LYPD6: variants seen among roughly 807,000 people sequenced by gnomAD.
LYPD6 encodes the protein ly6/PLAUR domain-containing protein 6.
In LYPD6, 15 loss-of-function variants were observed where a neutral mutation model predicts 22.7. The ratio of observed to expected loss-of-function variants is 0.66; its 90% confidence interval spans 0.44 to 1.02. The LOEUF (loss-of-function observed/expected upper bound fraction) is 1.02, where lower values mean the gene tolerates loss of function less well. Ranked by LOEUF, LYPD6 falls within the 50% of genes least tolerant of loss-of-function variation. LYPD6 has a pLI of 0.00. For synonymous variants in LYPD6, 72 were observed against 77.5 expected (o/e 0.93, Z 0.37); for missense variants, 189 against 208.4 (o/e 0.91, Z 0.57).
At chr2:149,366,319 T>C (rs1681663703) in intron 1 of LYPD6, among the ~76,000 whole-genome samples, 1 of 152,200 alleles carries the variant, frequency 6.6e-6, no homozygotes, top group African/African-American at 2.4e-5. Context: ...GATAAATAAA[T>C]GCCGGCGTGT....
chr2:149,349,234 G>A (rs1681315987), intron 1 of LYPD6, among the ~76,000 whole-genome samples: 1 of 152,120 alleles, frequency 6.6e-6, no homozygotes. Context: ...GCCATAAAAG[G>A]GGAGCAAATC....
intron 3 of LYPD6, 105 bp downstream of exon 3, chr2:149,449,252 G>C: frequency 3.0e-6 from 2 of 676,068 alleles, no homozygotes; most frequent in Admixed American, 5.7e-5. Context: ...AATCTCAGCT[G>C]CTCCTCTTGT....
At chr2:149,331,127 C>G (rs528913234) in intron 1 of LYPD6, among the ~76,000 whole-genome samples, 1 of 152,280 alleles carries the variant, frequency 6.6e-6, no homozygotes, top group East Asian at 1.9e-4. Flanking sequence ...CTGGCAGCAC[C>G]CCACATGTTG....
chr2:149,407,530 C>G (rs1280318410), intron 1 of LYPD6, among the ~76,000 whole-genome samples: 1 of 152,184 alleles, frequency 6.6e-6, no homozygotes, highest in Non-Finnish European at 1.5e-5. Context: ...CGCGTCGGCT[C>G]CTGAAGCTTC....
intron 1 of LYPD6, among the ~76,000 whole-genome samples, chr2:149,404,341 G>A (rs959150412): frequency 1.1e-4 from 16 of 152,114 alleles, no homozygotes; most frequent in Non-Finnish European, 1.8e-4. Flanking sequence ...CCATTTTCAC[G>A]ATATTGATTC....
chr2:149,466,784 T>C (rs1380715908), intron 3 of LYPD6, among the ~76,000 whole-genome samples: 2 of 152,180 alleles, frequency 1.3e-5, no homozygotes, highest in Non-Finnish European at 2.9e-5. Context: ...AAGCCTATGA[T>C]CTTATCTGCT....
Position 149,437,810 on chromosome 2 carries a change from C to T in LYPD6, c.102C>T (p.Ile34=). The T allele has an allele frequency of 6.2e-7, 1 of 1,614,136 alleles. No homozygotes were observed. The highest frequency in any genetic ancestry group is 8.5e-7 in the Non-Finnish European group (1 of 1,179,982). Residue 34 remains isoleucine (I), a synonymous_variant, in exon 2 of 5, where the codon ATC becomes ATT. Coordinates refer to ENST00000334166, the MANE Select transcript of LYPD6 (RefSeq NM_194317.5). The stretch of plus-strand genomic sequence containing the variant: ...GAGACTTCACAGTGAAAGACATTAT[C>T]TACCTCCATCCTTCAAGTAAGACTG... ...QSRDFTVKDI[I]YLHPSTTPYP...
intron 1 of LYPD6, among the ~76,000 whole-genome samples, chr2:149,405,260 G>C (rs1382019087): frequency 2.0e-5 from 3 of 152,050 alleles, no homozygotes; most frequent in Non-Finnish European, 4.4e-5. Flanking sequence ...AAATGAGTTA[G>C]GGAGGATTCC....
chr2:149,448,031 T>C (rs1683726530), intron 2 of LYPD6, among the ~76,000 whole-genome samples: 1 of 152,176 alleles, frequency 6.6e-6, no homozygotes, highest in South Asian at 2.1e-4. Context: ...TGGTGGCTCA[T>C]ACCTGTAATC....
At chr2:149,464,146 A>G (rs1681151254) in intron 3 of LYPD6, 3 of 412,936 alleles carry the variant, frequency 7.3e-6, no homozygotes, top group South Asian at 3.6e-5. Context: ...ACACAAAAAA[A>G]TCAATTGTTT....
chr2:149,437,724 G>C lies in LYPD6; in HGVS notation c.16G>C (p.Ala6Pro), dbSNP rs541047148. The C allele has an allele frequency of 1.2e-6, 2 of 1,614,122 alleles. No homozygotes were observed. Among genetic ancestry groups the C allele is most frequent in the African/African-American group, 2.7e-5 (2 of 75,062 alleles). The change falls in exon 2 of 5, where the codon GCT becomes CCT. Residue 6 changes from alanine to proline, a missense_variant. By Grantham distance (27) the Ala-to-Pro change is conservative. Transcript: ENST00000334166. Reference sequence around the variant, plus strand: ...TCAGTCTGCCATGGAACCTGGCCCTGCTCTGGCCTGGCTCCTGCTCCTGAG... The same window carrying C: ...TCAGTCTGCCATGGAACCTGGCCCTCCTCTGGCCTGGCTCCTGCTCCTGAG... MEPGP[A>P]LAWLLLLSLL...
At chr2:149,386,937 C>T (rs574653584) in intron 1 of LYPD6, among the ~76,000 whole-genome samples, 1 of 152,276 alleles carries the variant, frequency 6.6e-6, no homozygotes, top group African/African-American at 2.4e-5. Flanking sequence ...AATCATGGCT[C>T]ACACACCAGC....
intron 1 of LYPD6, among the ~76,000 whole-genome samples, chr2:149,357,759 A>G (rs1001809256): frequency 2.0e-5 from 3 of 150,768 alleles, no homozygotes; most frequent in Non-Finnish European, 4.4e-5. Context: ...AAATCATGAA[A>G]TACATTTCTT....
chr2:149,440,688 T>G (rs1418682783), intron 2 of LYPD6, among the ~76,000 whole-genome samples: 1 of 145,746 alleles, frequency 6.9e-6, no homozygotes, highest in Non-Finnish European at 1.5e-5. Flanking sequence ...GTTTATTCTG[T>G]CCACCTTTTT....
rs1231309798 is a variant in LYPD6 at position 149,334,635 on chromosome 2, T to A, written c.-72+3913T>A. Reference sequence around the variant, plus strand: ...TTGCTGGGGGATTGACTGGTGTCCTTGGGGGCTCCAGTCAGGGGAGGGGTT... The same window carrying A: ...TTGCTGGGGGATTGACTGGTGTCCTAGGGGGCTCCAGTCAGGGGAGGGGTT... On this transcript the variant is annotated intron_variant, in intron 1 of 4. Transcript: ENST00000334166. 5.9e-5 allele frequency among the ~76,000 whole-genome samples: 9 copies of A among 152,060 alleles called. 1 individual carries two copies. In the East Asian group the frequency reaches 1.7e-3, roughly 29 times the overall value.
At chr2:149,458,310 T>A (rs1681012282) in intron 3 of LYPD6, among the ~76,000 whole-genome samples, 1 of 152,168 alleles carries the variant, frequency 6.6e-6, no homozygotes, top group Non-Finnish European at 1.5e-5. Flanking sequence ...AACAATGAGA[T>A]GCCTCTACTT....
At chr2:149,394,650 C>T (rs998070340) in intron 1 of LYPD6, among the ~76,000 whole-genome samples, 4 of 152,072 alleles carry the variant, frequency 2.6e-5, no homozygotes, top group African/African-American at 9.7e-5. Flanking sequence ...CTTTCTGTCT[C>T]TCTCTACACA....
rs369869986 is a variant in LYPD6 at position 149,420,188 on chromosome 2, G to C, written c.-71-17450G>C. ...CTCACAGTCCAGATGTCAGGGCGGGGGTCCCAGTGAGCTGAAGGCATCTCA... is the reference window on the plus strand; with the variant it reads ...CTCACAGTCCAGATGTCAGGGCGGGCGTCCCAGTGAGCTGAAGGCATCTCA... On this transcript the variant is annotated intron_variant, in intron 1 of 4. Transcript: ENST00000334166. Among the ~76,000 whole-genome samples the C allele has an allele frequency of 3.3e-5, 5 of 152,276 alleles. No homozygotes were observed. In the East Asian group the frequency reaches 9.7e-4, roughly 29 times the overall value.
Position 149,377,783 on chromosome 2 carries a change from C to G in LYPD6, c.-72+47061C>G, listed in dbSNP as rs758676663. Among the ~76,000 whole-genome samples the G allele has an allele frequency of 9.3e-3, 194 of 20,782 alleles. 5 individuals are homozygous for G. Among genetic ancestry groups the G allele is most frequent in the African/African-American group, 0.016 (22 of 1,382 alleles). 13.6% of individuals were successfully genotyped at this position (20,782 alleles called of 152,430 possible). A position where few individuals can be genotyped will look rare whatever the true frequency, so the allele number is the denominator to read the frequency against. ...CGACAGAGCGAGACTTTGTCCCCAC[C>G]CCCCCCCCCACCCCCCCAAAAAAGC... On this transcript the variant is annotated intron_variant, in intron 1 of 4. Coordinates refer to ENST00000334166, the MANE Select transcript of LYPD6 (RefSeq NM_194317.5).
Sources: gnomAD v4.1 joint callset for allele counts (sites outside exome capture counted in the v4.1 genomes callset) on GRCh38, gnomAD v4.1.1 for gene constraint, MANE v1.5 for transcripts, NCBI Gene and HGNC (gene_info 2026-07-23, HGNC 2026-07-21) for gene names.